The following IPPK variants were observed in gnomAD, a reference collection of about 807,000 sequenced individuals.
The protein encoded by IPPK is inositol-pentakisphosphate 2-kinase.
A neutral mutation model predicts 64.6 loss-of-function variants in IPPK; 22 were observed. That is an observed-to-expected ratio of 0.34 (90% CI 0.24 to 0.49). The LOEUF is 0.49. Among genes scored for constraint, IPPK ranks in the 20% least tolerant of loss-of-function variants. IPPK has a pLI of 0.99. For missense variants in IPPK, 532 were observed against 630.7 expected (o/e 0.84, Z 1.68); for synonymous variants, 262 against 247.2 (o/e 1.06, Z -0.56).
intron 11 of IPPK, among the ~76,000 whole-genome samples, chr9:92,626,346 A>G (rs1214558779): frequency 1.3e-5 from 2 of 152,196 alleles, no homozygotes; most frequent in African/African-American, 4.8e-5. Flanking sequence ...GCAGTGAGCC[A>G]AGATCGCACC....
At chr9:92,636,724 A>G (rs1000298789) in intron 9 of IPPK, among the ~76,000 whole-genome samples, 1 of 152,198 alleles carries the variant, frequency 6.6e-6, no homozygotes, top group Non-Finnish European at 1.5e-5. Flanking sequence ...AAGTCAAGTT[A>G]CAAAATGACA....
chr9:92,663,853 C>A (rs973842626), intron 1 of IPPK, among the ~76,000 whole-genome samples: 1 of 152,228 alleles, frequency 6.6e-6, no homozygotes, highest in African/African-American at 2.4e-5. Flanking sequence ...GAGGAGATAA[C>A]CTGAAGCTGA....
chr9:92,635,685 T>C lies in IPPK; in HGVS notation c.917-377A>G, dbSNP rs1851928802. ...GTTTAGACATAATCCTCATTTTAAG[T>C]CAGGTCACAAAATTTCTTCTTTTTC... On this transcript the variant is annotated intron_variant, in intron 9 of 12. Transcript: ENST00000287996. This position sits in a 1 kb window ranked among gnomAD's most constrained non-coding sequence, Gnocchi z 4.4. Among the ~76,000 whole-genome samples, 1 of 151,924 alleles carries C rather than the reference T, an allele frequency of 6.6e-6. No individual in the cohort carries two copies. The highest frequency in any genetic ancestry group is 1.9e-4 in the East Asian group (1 of 5,192).
At chr9:92,664,485 C>T (rs1852553141) in intron 1 of IPPK, among the ~76,000 whole-genome samples, 1 of 152,218 alleles carries the variant, frequency 6.6e-6, no homozygotes. Context: ...CCGTCCTGAC[C>T]TCATGGTGTC....
rs950423619 is a variant in IPPK at position 92,640,608 on chromosome 9, C to T, written c.636+102G>A. 7.4e-6 allele frequency: 6 copies of T among 810,096 alleles called. No homozygotes were observed. In the African/African-American group the frequency reaches 1.0e-4, roughly 14 times the overall value. 50.2% of individuals were successfully genotyped at this position (810,096 alleles called of 1,614,324 possible). On this transcript the variant is annotated intron_variant, in intron 8 of 12. Transcript: ENST00000287996. ...TGAGGACCCCAAAGGGGATGTCAGACACACATGACGTGCAGCCCAGCCCAA... is the reference window on the plus strand; with the variant it reads ...TGAGGACCCCAAAGGGGATGTCAGATACACATGACGTGCAGCCCAGCCCAA...
intron 1 of IPPK, among the ~76,000 whole-genome samples, chr9:92,666,845 A>C (rs1852608578): frequency 6.0e-5 from 9 of 149,382 alleles, no homozygotes; most frequent in South Asian, 4.3e-4. Context: ...ACAACCTCCC[A>C]CCCTCCTGTA....
chr9:92,618,846 T>C, intron 12 of IPPK: 1 of 351,022 alleles, frequency 2.8e-6, no homozygotes, highest in Non-Finnish European at 5.6e-6. Context: ...GAACACATGT[T>C]AGAAGAATGT....
At chr9:92,652,671 A>C in intron 3 of IPPK, 32 bp from the exon 4 acceptor site, 1 of 1,271,510 alleles carries the variant, frequency 7.9e-7, no homozygotes, top group South Asian at 1.3e-5. Context: ...TCTCAGTGTG[A>C]ATTGCACAAT....
chr9:92,631,087 C>A, intron 11 of IPPK, among the ~76,000 whole-genome samples: 1 of 152,132 alleles, frequency 6.6e-6, no homozygotes. Context: ...ACCCCTGCTA[C>A]CAGATACTAC....
In IPPK at chr9:92,616,024, C is replaced by T; in HGVS notation, c.1284G>A (p.Arg428=). The part of the protein sequence containing the change: ...SDQRPVVPSS[R]SRFAFSVSVL... ...CAGACACGGAAAAGGCAAACCTGGA[C>T]CTCGATGAAGGGACGACAGGCCTTT... The change falls in exon 13 of 13, where the codon AGG becomes AGA. Residue 428 remains arginine, a synonymous_variant. Coordinates refer to ENST00000287996, the MANE Select transcript of IPPK (RefSeq NM_022755.6). The T allele has an allele frequency of 6.2e-7, 1 of 1,614,138 alleles. No individual in the cohort carries two copies. The highest frequency in any genetic ancestry group is 8.5e-7 in the Non-Finnish European group (1 of 1,180,014).
At chr9:92,642,722 CA>C (rs1431718306) in intron 7 of IPPK, 29 bp downstream of exon 7, 10 of 1,607,522 alleles carry the variant, frequency 6.2e-6, no homozygotes, top group African/African-American at 1.3e-5. Context: ...GAACCTGACA[CA>C]AGGGGGCAAA....
intron 11 of IPPK, among the ~76,000 whole-genome samples, chr9:92,632,490 C>T (rs1343773240): frequency 6.6e-6 from 1 of 152,196 alleles, no homozygotes; most frequent in Non-Finnish European, 1.5e-5. Flanking sequence ...AAAAAGTAAT[C>T]CATACTTATT....
intron 1 of IPPK, among the ~76,000 whole-genome samples, chr9:92,663,779 C>A (rs575305926): frequency 6.6e-6 from 1 of 152,334 alleles, no homozygotes; most frequent in South Asian, 2.1e-4. Context: ...GTATCACCCA[C>A]AAAATCAGCT....
intron 1 of IPPK, among the ~76,000 whole-genome samples, chr9:92,666,405 A>C (rs1202560777): frequency 6.6e-6 from 1 of 152,198 alleles, no homozygotes; most frequent in Admixed American, 6.5e-5. Flanking sequence ...GCGGCAGTGC[A>C]TAAAGGGGCA....
chr9:92,658,587 T>A, intron 2 of IPPK, 47 bp downstream of exon 2: 1 of 1,491,550 alleles, frequency 6.7e-7, no homozygotes, highest in Non-Finnish European at 9.3e-7. Flanking sequence ...AATCAGAGTT[T>A]TCTTAAATAA....
At chr9:92,620,497 G>A (rs142458961) in intron 11 of IPPK, 8 of 152,290 alleles carry the variant, frequency 5.3e-5, no homozygotes, top group Non-Finnish European at 8.8e-5. Flanking sequence ...CATAGCTCTC[G>A]CTTTCACAAA....
In IPPK at chr9:92,667,082, G is replaced by A. The variant is rs924711487; in HGVS notation, c.81+2826C>T. Among the ~76,000 whole-genome samples, 3 of 152,356 alleles carry A rather than the reference G, an allele frequency of 2.0e-5. No individual in the cohort carries two copies. In the East Asian group the frequency reaches 5.8e-4, roughly 29 times the overall value. On this transcript the variant is annotated intron_variant, in intron 1 of 12. Transcript: ENST00000287996. Reference sequence around the variant, plus strand: ...ATCATGTTCTCATGGTAGAGGGGATGGGGGTCAGCACAGGACTCATTAGGG... The same window carrying A: ...ATCATGTTCTCATGGTAGAGGGGATAGGGGTCAGCACAGGACTCATTAGGG...
intron 12 of IPPK, chr9:92,618,763 G>C (rs548902833): frequency 2.8e-6 from 1 of 359,312 alleles, no homozygotes; most frequent in South Asian, 2.1e-5. Flanking sequence ...CAGGAATCCT[G>C]GGAACTGTTT....
rs1200928290 is a variant in IPPK, at chr9:92,639,853, G to C, written c.636+857C>G. Among the ~76,000 whole-genome samples the C allele has an allele frequency of 1.3e-5, 2 of 152,162 alleles. 1 individual carries two copies. The highest frequency in any genetic ancestry group is 4.2e-4 in the South Asian group (2 of 4,818). On this transcript the variant is annotated intron_variant, in intron 8 of 12. Transcript: ENST00000287996. The stretch of plus-strand genomic sequence containing the variant: ...TCACTGCCCAGCAGCCAGCGCCATG[G>C]GTTTCTAACCAAGACCTGGGGAGGC...
Sources: allele counts gnomAD v4.1 joint callset (sites outside exome capture counted in the v4.1 genomes callset), GRCh38; gene constraint gnomAD v4.1.1; non-coding constraint Gnocchi (gnomAD v3.1); transcripts MANE v1.5; gene names NCBI Gene and HGNC (gene_info 2026-07-23, HGNC 2026-07-21).